The following MYO5C variants were observed in gnomAD, a reference collection of about 807,000 sequenced individuals.
The protein encoded by MYO5C is myosin VC, also known as unconventional myosin-Vc.
MYO5C carries 194 observed loss-of-function variants against 235.7 expected under a neutral mutation model. The observed-to-expected ratio is 0.82, with a 90% confidence interval of 0.73 to 0.93. The LOEUF (loss-of-function observed/expected upper bound fraction) is 0.93. Ranked by LOEUF, MYO5C falls within the 40% of genes least tolerant of loss-of-function variation. The probability of loss-of-function intolerance (pLI) is 0.00; values close to 1 mark genes in which losing one functional copy is unlikely to be tolerated. For missense variants in MYO5C, 2,038 were observed against 2,127.2 expected, an observed-to-expected ratio of 0.96 and a Z score of 0.82; for synonymous variants, 707 against 754.8, an observed-to-expected ratio of 0.94 and a Z score of 1.04.
intron 8 of MYO5C, among the ~76,000 whole-genome samples, chr15:52,267,202 A>T (rs1298658157): frequency 6.6e-6 from 1 of 152,238 alleles, no homozygotes; most frequent in Admixed American, 6.5e-5. Flanking sequence ...AAAAGGTTTC[A>T]TGGAAGAAGA....
In MYO5C at chr15:52,232,671, G is replaced by A; in HGVS notation, c.2977C>T (p.Leu993Phe). Residue 993 changes from leucine (L) to phenylalanine (F), a missense_variant, in exon 24 of 41, where the codon CTC becomes TTC. Physicochemically the swap from Leu to Phe is conservative, Grantham distance 22. Transcript: ENST00000261839. Reference sequence around the variant, plus strand: ...ACATCATCAAAGAGCTGCTTGGTGAGGTTGTCCATTTTTTCTGTAAAAAGA... The same window carrying A: ...ACATCATCAAAGAGCTGCTTGGTGAAGTTGTCCATTTTTTCTGTAAAAAGA... Reference protein sequence around the residue: ...TEELKEKMDNLTKQLFDDVQK... With the variant: ...TEELKEKMDNFTKQLFDDVQK... 1 of 1,613,730 alleles carries A rather than the reference G, an allele frequency of 6.2e-7. No homozygotes were observed. Among genetic ancestry groups the A allele is most frequent in the Non-Finnish European group, 8.5e-7 (1 of 1,179,920 alleles).
At chr15:52,277,040 G>T in intron 4 of MYO5C, 2 of 464,358 alleles carry the variant, frequency 4.3e-6, no homozygotes, top group Non-Finnish European at 8.9e-6. Context: ...GTAAATGCTA[G>T]AGGAGACTTT....
At chr15:52,260,372 G>A (rs1246373706) in intron 10 of MYO5C, among the ~76,000 whole-genome samples, 1 of 152,212 alleles carries the variant, frequency 6.6e-6, no homozygotes, top group East Asian at 1.9e-4. Flanking sequence ...CAAGGTGCAA[G>A]CCTAGGTGAC....
At chr15:52,225,332 CA>C in intron 26 of MYO5C, 106 bp downstream of exon 26, 10 of 1,125,576 alleles carry the variant, frequency 8.9e-6, no homozygotes, top group Non-Finnish European at 1.3e-5. Flanking sequence ...AGCAATCTAC[CA>C]TATGTCCAAC....
intron 10 of MYO5C, among the ~76,000 whole-genome samples, chr15:52,257,163 T>C (rs2036601495): frequency 6.6e-6 from 1 of 152,224 alleles, no homozygotes; most frequent in Admixed American, 6.5e-5. Flanking sequence ...GGTTTCCTAT[T>C]CTCTCCTTGT....
chr15:52,260,695 G>A (rs1341066715), intron 10 of MYO5C, among the ~76,000 whole-genome samples, 167 bp downstream of exon 10: 1 of 152,164 alleles, frequency 6.6e-6, no homozygotes, highest in Non-Finnish European at 1.5e-5. Flanking sequence ...TTGAATAAAT[G>A]GCACCATAGC....
At chr15:52,261,183 TCCC>T in intron 9 of MYO5C, 56 bp from the exon 10 acceptor site, 1 of 1,588,448 alleles carries the variant, frequency 6.3e-7, no homozygotes, top group Admixed American at 1.7e-5. Flanking sequence ...AGACACACAA[TCCC>T]ACCCGGCCAA....
chr15:52,229,316 A>G lies in MYO5C; in HGVS notation c.3027-3T>C. ...GTTCAAAACTTTTTTCAAGAAGCCT[A>G]CGCAGCAAAAGAAGAAAATAATTTA... On this transcript the variant is annotated splice_region_variant and splice_polypyrimidine_tract_variant and intron_variant, in intron 24 of 40. Coordinates refer to ENST00000261839, the MANE Select transcript of MYO5C (RefSeq NM_018728.4). 6.2e-7 allele frequency: 1 copy of G among 1,609,390 alleles called. No individual in the cohort carries two copies. Among genetic ancestry groups the G allele is most frequent in the African/African-American group, 1.4e-5 (1 of 72,794 alleles).
chr15:52,228,035 T>G, intron 25 of MYO5C, among the ~76,000 whole-genome samples: 1 of 152,234 alleles, frequency 6.6e-6, no homozygotes, highest in East Asian at 1.9e-4. Context: ...ACTTAAGCCT[T>G]GATTGTCCAA....
chr15:52,218,599 A>G lies in MYO5C; in HGVS notation c.3874T>C (p.Leu1292=), dbSNP rs199975206. ...CTTTCAGTTTCAAATTGTTTCTTCA[A>G]GTGGTCACTGGCCTCCTGCATTTCT... ...IQEMQEASDH[L]KKQFETESEV... The change falls in exon 32 of 41, where the codon TTG becomes CTG. Residue 1292 remains leucine, a synonymous_variant. Transcript: ENST00000261839. The G allele has an allele frequency of 3.1e-3, 5,027 of 1,614,210 alleles. 11 individuals carry two copies. The highest frequency in any genetic ancestry group is 3.5e-3 in the Non-Finnish European group (4,148 of 1,180,028).
intron 4 of MYO5C, 83 bp downstream of exon 4, chr15:52,278,790 A>C: frequency 6.5e-7 from 1 of 1,532,192 alleles, no homozygotes; most frequent in Non-Finnish European, 8.9e-7. Context: ...CCCAACCTAG[A>C]TATCTCCCCT....
chr15:52,247,067 C>A, intron 15 of MYO5C, 53 bp from the exon 16 acceptor site: 1 of 1,504,186 alleles, frequency 6.6e-7, no homozygotes, highest in Non-Finnish European at 9.2e-7. Context: ...TTACTGCTTA[C>A]ATCACGGTAA....
At chr15:52,252,647 C>T (rs776430229) in intron 12 of MYO5C, among the ~76,000 whole-genome samples, 28 of 151,942 alleles carry the variant, frequency 1.8e-4, no homozygotes, top group Admixed American at 4.6e-4. Flanking sequence ...TGGTGGTGTG[C>T]GCCTATAATT....
chr15:52,274,910 T>A (rs902987752), intron 5 of MYO5C, among the ~76,000 whole-genome samples: 1 of 152,224 alleles, frequency 6.6e-6, no homozygotes, highest in African/African-American at 2.4e-5. Flanking sequence ...CCAAATAAAT[T>A]CAAATCAATC....
intron 4 of MYO5C, among the ~76,000 whole-genome samples, chr15:52,277,557 TCCCAG>T (rs1324075569): frequency 6.6e-6 from 1 of 152,208 alleles, no homozygotes; most frequent in Non-Finnish European, 1.5e-5. Flanking sequence ...AGACTGCACA[TCCCAG>T]CCTCCCTATG....
intron 6 of MYO5C, 91 bp from the exon 7 acceptor site, chr15:52,271,935 C>A (rs1255330731): frequency 6.5e-5 from 44 of 674,062 alleles, no homozygotes; most frequent in Non-Finnish European, 2.7e-5. Flanking sequence ...GATATCTAAT[C>A]CGCATGGATA....
intron 32 of MYO5C, among the ~76,000 whole-genome samples, chr15:52,216,100 A>G (rs1232346811): frequency 6.6e-6 from 1 of 152,242 alleles, no homozygotes; most frequent in African/African-American, 2.4e-5. Flanking sequence ...CATACCTTCA[A>G]ATAAGCCCTC....
rs980998402 is a variant in MYO5C at position 52,201,037 on chromosome 15, A to G, written c.4820+3828T>C. Among the ~76,000 whole-genome samples, 48 of 152,178 alleles carry G rather than the reference A, an allele frequency of 3.2e-4. 1 individual carries two copies. The highest frequency in any genetic ancestry group is 3.0e-3 in the Admixed American group (46 of 15,274). ...AAGAAAAAGGAGCAGAATTTTATGG[A>G]CCTGTGGGACAATAACAAAAAGTCT... On this transcript the variant is annotated intron_variant, in intron 38 of 40. Coordinates refer to ENST00000261839, the MANE Select transcript of MYO5C (RefSeq NM_018728.4).
intron 38 of MYO5C, among the ~76,000 whole-genome samples, chr15:52,197,998 T>TA (rs944479827): frequency 6.6e-5 from 10 of 152,066 alleles, no homozygotes; most frequent in Non-Finnish European, 1.3e-4. Context: ...ATGAAACTGC[T>TA]AAAAAAAATT....
Sources: allele counts gnomAD v4.1 joint callset (sites outside exome capture counted in the v4.1 genomes callset), GRCh38; gene constraint gnomAD v4.1.1; transcripts MANE v1.5; gene names NCBI Gene and HGNC (gene_info 2026-07-23, HGNC 2026-07-21).